BTG3: variants seen among roughly 807,000 people sequenced by gnomAD.
The protein encoded by BTG3 is protein BTG3.
In BTG3, 4 loss-of-function variants were observed where a neutral mutation model predicts 25.8. The observed-to-expected ratio is 0.16, with a 90% CI of 0.08 to 0.36. The LOEUF (loss-of-function observed/expected upper bound fraction) is 0.36. Ranked by LOEUF, BTG3 falls within the 10% of genes least tolerant of loss-of-function variation. BTG3 has a pLI of 1.00. For missense variants in BTG3, 201 were observed against 304.9 expected (o/e 0.66, Z 2.54); for synonymous variants, 107 against 99.9 (o/e 1.07, Z -0.42).
chr21:17,597,259 CAATTT>C (rs1387815591), intron 4 of BTG3, among the ~76,000 whole-genome samples: 1 of 152,000 alleles, frequency 6.6e-6, no homozygotes, highest in African/African-American at 2.4e-5. Context: ...TAGCAGCAAT[CAATTT>C]AATTTGAGAC....
At position 17,609,049 on chromosome 21, in the gene BTG3, C is replaced by A. The variant is rs61754145; in HGVS notation, c.96G>T (p.Glu32Asp). 1.2e-6 allele frequency: 2 copies of A among 1,613,944 alleles called. No individual in the cohort carries two copies. Among genetic ancestry groups the A allele is most frequent in the African/African-American group, 2.7e-5 (2 of 74,908 alleles). The change falls in exon 2 of 5, where the codon GAG (glutamate) becomes GAT (aspartate). Residue 32 changes from glutamate to aspartate, a missense_variant. By Grantham distance (45) the Glu-to-Asp change is conservative (BLOSUM62 2). Transcript: ENST00000348354. ...TTTCTTGAAGTATTAGGGTCAATTT[C>A]TCAGCAAACCTCTCAACTGCCTCTT... Reference protein sequence around the residue: ...LKKEAVERFAEKLTLILQEKY... With the variant: ...LKKEAVERFADKLTLILQEKY...
At chr21:17,600,008 G>C (rs1051729304) in intron 3 of BTG3, among the ~76,000 whole-genome samples, 6 of 152,098 alleles carry the variant, frequency 3.9e-5, no homozygotes, top group African/African-American at 1.4e-4. Flanking sequence ...AGTTTCCTAG[G>C]ATAACTACTC....
chr21:17,601,355 T>TAGTATAA (rs1472963039), intron 3 of BTG3, among the ~76,000 whole-genome samples: 1 of 152,088 alleles, frequency 6.6e-6, no homozygotes. Flanking sequence ...TGACTCTTCG[T>TAGTATAA]AGTATAAAAT....
intron 3 of BTG3, among the ~76,000 whole-genome samples, chr21:17,599,556 C>T (rs936552852): frequency 2.0e-5 from 3 of 149,666 alleles, no homozygotes; most frequent in Admixed American, 6.7e-5. Context: ...CGGCCCACTA[C>T]AATCTCCACC....
At position 17,594,312 on chromosome 21, in the gene BTG3, T is replaced by C; in HGVS notation, c.540A>G (p.Pro180=). 1 of 1,612,706 alleles carries C rather than the reference T, an allele frequency of 6.2e-7. No homozygotes were observed. Among genetic ancestry groups the C allele is most frequent in the Non-Finnish European group, 8.5e-7 (1 of 1,179,154 alleles). ...GCAAAGGGTGCCACATTGGAAGAGG[T>C]GGAAATATAAGTTCTGAAATCTGTA... ...PVYQISELIF[P]PLPMWHPLPR... is the part of the protein sequence containing the mutation. Residue 180 remains proline, a synonymous_variant, in exon 5 of 5, where the codon CCA becomes CCG. Coordinates refer to ENST00000348354, the MANE Select transcript of BTG3 (RefSeq NM_006806.5).
At chr21:17,600,892 G>A (rs907535516) in intron 3 of BTG3, among the ~76,000 whole-genome samples, 16 of 152,010 alleles carry the variant, frequency 1.1e-4, no homozygotes, top group African/African-American at 3.1e-4. Context: ...GGCTGGGCGC[G>A]GTGGCTCATG....
At chr21:17,608,492 A>G (rs1259692081) in intron 2 of BTG3, among the ~76,000 whole-genome samples, 1 of 152,108 alleles carries the variant, frequency 6.6e-6, no homozygotes. Flanking sequence ...AAATATATAA[A>G]TGAGATTATT....
At chr21:17,595,628 CTA>C (rs941372333) in intron 4 of BTG3, among the ~76,000 whole-genome samples, 6 of 151,772 alleles carry the variant, frequency 4.0e-5, no homozygotes, top group African/African-American at 1.5e-4. Flanking sequence ...ATAGCAATGA[CTA>C]TAAATTAAAT....
At chr21:17,598,887 T>C in intron 3 of BTG3, 63 bp from the exon 4 acceptor site, 2 of 1,353,632 alleles carry the variant, frequency 1.5e-6, no homozygotes, top group Non-Finnish European at 2.0e-6. Context: ...AAAATGTCCA[T>C]AAAAACAAAG....
intron 2 of BTG3, chr21:17,608,707 T>G (rs1284020616): frequency 1.7e-5 from 6 of 357,652 alleles, no homozygotes; most frequent in Non-Finnish European, 3.0e-5. Flanking sequence ...AGAAATGCAC[T>G]GTTAGGAGCC....
chr21:17,604,172 A>G lies in BTG3; in HGVS notation c.311+688T>C. On this transcript the variant is annotated intron_variant, in intron 3 of 4. Coordinates refer to ENST00000348354, the MANE Select transcript of BTG3 (RefSeq NM_006806.5). ...AATCAAAAAGGAGGAGGCCGGGCGC[A>G]GTGGCTCACGCCTGTAATCCAGCGC... The G allele has an allele frequency of 3.1e-6, 4 of 1,273,972 alleles. No individual in the cohort carries two copies. The highest frequency in any genetic ancestry group is 4.1e-6 in the Non-Finnish European group (4 of 976,716). The allele number at this position is 1,273,972 out of a possible 1,614,324, so 78.9% of individuals were successfully genotyped here.
At chr21:17,609,847 C>G (rs1016291719) in intron 1 of BTG3, among the ~76,000 whole-genome samples, 2 of 152,024 alleles carry the variant, frequency 1.3e-5, no homozygotes, top group Non-Finnish European at 2.9e-5. Flanking sequence ...AGTACTAATA[C>G]AAGCTACAAT....
intron 2 of BTG3, among the ~76,000 whole-genome samples, chr21:17,607,487 GA>G (rs1471261528): frequency 1.3e-5 from 2 of 152,166 alleles, no homozygotes; most frequent in African/African-American, 4.8e-5. Context: ...CAATTTACTG[GA>G]AACCTCTTTG....
In BTG3 at chr21:17,599,760, G is replaced by A. The variant is rs1019663836; in HGVS notation, c.312-936C>T. Among the ~76,000 whole-genome samples, 5 of 152,288 alleles carry A rather than the reference G, an allele frequency of 3.3e-5. No individual in the cohort carries two copies. The South Asian group carries it at 6.2e-4, about 19-fold the overall frequency. ...CTCCCAAAGTGCTGGGTTTATAGGC[G>A]TGAGCCATCACGCCCAGCCCCAGCT... is the stretch of plus-strand genomic sequence containing the variant. On this transcript the variant is annotated intron_variant, in intron 3 of 4. Transcript: ENST00000348354.
intron 3 of BTG3, 24 bp downstream of exon 3, chr21:17,604,836 C>G: frequency 6.2e-7 from 1 of 1,606,588 alleles, no homozygotes; most frequent in Non-Finnish European, 8.5e-7. Flanking sequence ...GTCATCAGTT[C>G]AGCCTCTAAA....
At chr21:17,604,067 C>A (rs67787603) in intron 3 of BTG3, 200,030 of 1,173,016 alleles carry the variant, frequency 0.17, 17,974 homozygotes, top group East Asian at 0.22. Flanking sequence ...TGATCTTTCA[C>A]AACTCTATTC....
At chr21:17,595,285 CATT>C (rs2061490018) in intron 4 of BTG3, among the ~76,000 whole-genome samples, 2 of 152,128 alleles carry the variant, frequency 1.3e-5, no homozygotes, top group Admixed American at 1.3e-4. Context: ...CTCAAATCTG[CATT>C]TCTAAGTATA....
intron 2 of BTG3, among the ~76,000 whole-genome samples, chr21:17,606,139 A>G (rs1158269023): frequency 6.6e-6 from 1 of 152,204 alleles, no homozygotes; most frequent in African/African-American, 2.4e-5. Flanking sequence ...TATGCAATGG[A>G]CAATTTCCTA....
At position 17,600,930 on chromosome 21, in the gene BTG3, A is replaced by G. The variant is rs1177169975; in HGVS notation, c.312-2106T>C. Among the ~76,000 whole-genome samples the G allele has an allele frequency of 3.9e-5, 6 of 152,118 alleles. No individual in the cohort carries two copies. The East Asian group carries it at 5.8e-4, about 15-fold the overall frequency. On this transcript the variant is annotated intron_variant, in intron 3 of 4. Coordinates refer to ENST00000348354, the MANE Select transcript of BTG3 (RefSeq NM_006806.5). ...TGTAATCCCAGCACTTTGGGAGGCC[A>G]AGGCGGGTGGATCATGAGGTCAGGC...
Sources: allele counts gnomAD v4.1 joint callset (sites outside exome capture counted in the v4.1 genomes callset), GRCh38; gene constraint gnomAD v4.1.1; transcripts MANE v1.5; gene names NCBI Gene and HGNC (gene_info 2026-07-23, HGNC 2026-07-21).